Variants in PRCP observed in about 807,000 individuals in gnomAD.
The protein encoded by PRCP is prolylcarboxypeptidase, also known as lysosomal Pro-X carboxypeptidase.
Under a neutral mutation model 54.2 loss-of-function variants are expected in PRCP, and 46 were observed. That is an observed-to-expected ratio of 0.85 (90% CI 0.67 to 1.09). The LOEUF (loss-of-function observed/expected upper bound fraction) is 1.09. Among genes scored for constraint, PRCP ranks in the 50% least tolerant of loss-of-function variants. The pLI is 0.00. For synonymous variants in PRCP, 240 were observed against 212.2 expected (o/e 1.13, Z -1.14); for missense variants, 613 against 596.8 (o/e 1.03, Z -0.28).
chr11:82,881,502 T>C (rs925015076), intron 1 of PRCP, among the ~76,000 whole-genome samples: 1 of 151,976 alleles, frequency 6.6e-6, no homozygotes, highest in African/African-American at 2.4e-5. Flanking sequence ...TCTCTGAAGA[T>C]GTGGGGTTTA....
intron 6 of PRCP, among the ~76,000 whole-genome samples, chr11:82,841,034 C>T (rs11233338): frequency 0.23 from 28,029 of 119,698 alleles, 3,501 homozygotes; most frequent in Admixed American, 0.34. Context: ...CCATTTCATA[C>T]GGAAAAGATT....
intron 8 of PRCP, among the ~76,000 whole-genome samples, chr11:82,835,294 T>A (rs1323029775): frequency 1.3e-5 from 2 of 152,224 alleles, no homozygotes; most frequent in Non-Finnish European, 2.9e-5. Context: ...AAGTGGGCAG[T>A]GCCACTAGCC....
intron 2 of PRCP, among the ~76,000 whole-genome samples, chr11:82,856,749 C>T (rs979012201): frequency 2.6e-5 from 4 of 151,746 alleles, no homozygotes; most frequent in Non-Finnish European, 4.4e-5. Flanking sequence ...AAGGTAATTT[C>T]AACTTTAAAA....
chr11:82,900,960 G>T (rs1028616241), upstream of PRCP: 2 of 427,914 alleles, frequency 4.7e-6, no homozygotes, highest in Admixed American at 4.9e-5. Context: ...TAACTAAATC[G>T]TCACAGCAAT....
intron 1 of PRCP, among the ~76,000 whole-genome samples, chr11:82,897,370 T>G (rs1229784721): frequency 6.6e-6 from 1 of 152,248 alleles, no homozygotes; most frequent in Admixed American, 6.5e-5. Context: ...AATCATGCAT[T>G]CACTCTTTCA....
At chr11:82,844,556 G>A (rs1332813335) in intron 6 of PRCP, among the ~76,000 whole-genome samples, 1 of 151,976 alleles carries the variant, frequency 6.6e-6, no homozygotes, top group Non-Finnish European at 1.5e-5. Flanking sequence ...GGCCAACATG[G>A]TGAAACCCCG....
At chr11:82,874,316 A>G (rs1639548937) in intron 1 of PRCP, among the ~76,000 whole-genome samples, 1 of 152,218 alleles carries the variant, frequency 6.6e-6, no homozygotes, top group African/African-American at 2.4e-5. Context: ...CACTGCCCGC[A>G]CAGGGCTTAT....
At chr11:82,851,945 AT>A (rs913910334) in intron 3 of PRCP, among the ~76,000 whole-genome samples, 5 of 151,710 alleles carry the variant, frequency 3.3e-5, no homozygotes, top group Non-Finnish European at 5.9e-5. Flanking sequence ...AGTTGAGTGC[AT>A]TTTTTTTCTA....
Position 82,850,373 on chromosome 11 carries a change from C to T in PRCP, c.544G>A (p.Gly182Ser). 2 of 1,590,422 alleles carry T rather than the reference C, an allele frequency of 1.3e-6. No individual in the cohort carries two copies. The highest frequency in any genetic ancestry group is 2.3e-5 in the South Asian group (2 of 87,504). ...ATCCTAAACCAGGCGGCAAGCATGC[C>T]ACCATAGGAGCCTCCTATGGCAATG... Reference protein sequence around the residue: ...PVIAIGGSYGGMLAAWFRMKY... With the variant: ...PVIAIGGSYGSMLAAWFRMKY... Residue 182 changes from glycine (G) to serine (S), a missense_variant, in exon 4 of 9, where the codon GGC (glycine) becomes AGC (serine). Gly to Ser is a moderately conservative substitution (Grantham distance 56). Transcript: ENST00000313010.
intron 3 of PRCP, among the ~76,000 whole-genome samples, chr11:82,852,058 C>CT (rs1858971883): frequency 6.6e-6 from 1 of 152,180 alleles, no homozygotes; most frequent in Non-Finnish European, 1.5e-5. Flanking sequence ...CTCCATTTTG[C>CT]TAACACAGTA....
At chr11:82,832,450 A>C in intron 8 of PRCP, among the ~76,000 whole-genome samples, 1 of 152,146 alleles carries the variant, frequency 6.6e-6, no homozygotes, top group East Asian at 1.9e-4. Flanking sequence ...TTCTCTAATG[A>C]TCAGTGATGA....
chr11:82,899,960 G>A (rs1284904991), intron 1 of PRCP: 2 of 434,916 alleles, frequency 4.6e-6, no homozygotes, highest in Admixed American at 4.2e-5. Context: ...CCCTCTGGGA[G>A]CAGAGGGAGT....
intron 1 of PRCP, among the ~76,000 whole-genome samples, chr11:82,888,715 T>TA (rs1859927522): frequency 6.6e-6 from 1 of 152,220 alleles, no homozygotes; most frequent in South Asian, 2.1e-4. Context: ...GGTCTGTCTT[T>TA]ATCTGACATT....
intron 6 of PRCP, among the ~76,000 whole-genome samples, chr11:82,848,306 T>C (rs1858857953): frequency 6.6e-6 from 1 of 152,178 alleles, no homozygotes; most frequent in African/African-American, 2.4e-5. Flanking sequence ...AATAAATAAT[T>C]TTGACATGAA....
intron 2 of PRCP, among the ~76,000 whole-genome samples, chr11:82,857,040 A>AG (rs961977119): frequency 1.3e-5 from 2 of 151,396 alleles, no homozygotes; most frequent in African/African-American, 2.4e-5. Flanking sequence ...GTCTCAAAAA[A>AG]AAAAAAAAAA....
At chr11:82,893,086 T>C (rs550273223) in intron 1 of PRCP, among the ~76,000 whole-genome samples, 1 of 152,330 alleles carries the variant, frequency 6.6e-6, no homozygotes, top group African/African-American at 2.4e-5. Context: ...TACAGTCATT[T>C]AACCAGTTCT....
chr11:82,830,750 T>C lies in PRCP; in HGVS notation c.1275-5628A>G, dbSNP rs373021635. On this transcript the variant is annotated intron_variant, in intron 8 of 8. Transcript: ENST00000313010. ...CTTAGTTTTCAACTACCAGGTAAACTTTTAAAGTAAACTACATAAGGAGTT... is the reference window on the plus strand; with the variant it reads ...CTTAGTTTTCAACTACCAGGTAAACCTTTAAAGTAAACTACATAAGGAGTT... 175 of 151,562 alleles carry C rather than the reference T, an allele frequency of 1.2e-3. 1 individual carries two copies. Among genetic ancestry groups the C allele is most frequent in the African/African-American group, 4.0e-3 (167 of 41,360 alleles). 9.4% of individuals were successfully genotyped at this position (151,562 alleles called of 1,614,324 possible). A position where few individuals can be genotyped will look rare whatever the true frequency, so the allele number is the denominator to read the frequency against.
At chr11:82,860,747 T>C (rs972096925) in intron 1 of PRCP, among the ~76,000 whole-genome samples, 3 of 152,142 alleles carry the variant, frequency 2.0e-5, no homozygotes, top group Non-Finnish European at 2.9e-5. Flanking sequence ...CCATAAACCT[T>C]GTCACCCCAG....
Position 82,838,411 on chromosome 11 carries a change from C to T in PRCP, c.1250G>A (p.Ser417Asn), listed in dbSNP as rs536616254. 8.1e-6 allele frequency: 13 copies of T among 1,611,312 alleles called. No homozygotes were observed. The East Asian group carries it at 2.7e-4, about 33-fold the overall frequency. The change falls in exon 8 of 9, where the codon AGT becomes AAT. Residue 417 changes from serine (S) to asparagine (N), a missense_variant. Ser to Asn is a conservative substitution (Grantham distance 46, BLOSUM62 1). Transcript: ENST00000313010. Reference protein sequence around the residue: ...ITTMYGGKNISSHTNIVFSNG... With the variant: ...ITTMYGGKNINSHTNIVFSNG... ...CCTGAAAACAATGTTTGTGTGTGAA[C>T]TAATGTTTTTGCCTCCATACATAGT...
Sources: gnomAD v4.1 joint callset for allele counts (sites outside exome capture counted in the v4.1 genomes callset) on GRCh38, gnomAD v4.1.1 for gene constraint, MANE v1.5 for transcripts, NCBI Gene and HGNC (gene_info 2026-07-23, HGNC 2026-07-21) for gene names.